The following COBLL1 variants were observed in gnomAD, a reference collection of about 807,000 sequenced individuals.
COBLL1 encodes the protein cordon-bleu protein-like 1.
In COBLL1, 50 loss-of-function variants were observed where a neutral mutation model predicts 94.8. That is an observed-to-expected ratio of 0.53 (90% CI 0.42 to 0.67). The LOEUF (loss-of-function observed/expected upper bound fraction) is 0.67, where lower values mean the gene tolerates loss of function less well. Among genes scored for constraint, COBLL1 ranks in the 30% least tolerant of loss-of-function variants. The pLI is 0.00. For missense variants in COBLL1, 1,362 were observed against 1,348.7 expected (o/e 1.01, Z -0.15); for synonymous variants, 448 against 473.8 (o/e 0.95, Z 0.71).
intron 7 of COBLL1, 119 bp from the exon 8 acceptor site, chr2:164,705,224 C>G (rs1360582170): frequency 2.8e-6 from 2 of 706,274 alleles, no homozygotes; most frequent in African/African-American, 3.7e-5. Context: ...ACAGTCATTC[C>G]TTAAAAACGT....
intron 2 of COBLL1, among the ~76,000 whole-genome samples, chr2:164,765,443 G>A (rs780425389): frequency 1.3e-5 from 2 of 152,154 alleles, no homozygotes; most frequent in South Asian, 4.1e-4. Context: ...AGAGACTTAA[G>A]TGATATAACC....
In COBLL1 at chr2:164,788,397, AT is replaced by A. The variant is rs138607831; in HGVS notation, c.42-44523del. Among the ~76,000 whole-genome samples the A allele has an allele frequency of 3.7e-3, 569 of 152,286 alleles. 2 individuals are homozygous for A. The highest frequency in any genetic ancestry group is 0.013 in the African/African-American group (548 of 41,552). ...ACAACTCTGTACCTTTAAAAAAAAA[AT>A]CTACAAGTTGCTGATAAAAATAGCT... On this transcript the variant is annotated intron_variant, in intron 2 of 13. Coordinates refer to ENST00000652658, the MANE Select transcript of COBLL1 (RefSeq NM_001365672.2).
chr2:164,799,019 C>CACAAAAAAA (rs1683624331), intron 2 of COBLL1, among the ~76,000 whole-genome samples: 1 of 69,838 alleles, frequency 1.4e-5, no homozygotes, highest in African/African-American at 6.8e-5. Context: ...GACTCCGTCT[C>CACAAAAAAA]AAAAAAAAAA....
chr2:164,691,570 TCTC>T (rs899128780), intron 13 of COBLL1, among the ~76,000 whole-genome samples: 33 of 152,224 alleles, frequency 2.2e-4, no homozygotes, highest in African/African-American at 7.5e-4. Context: ...CACATCTTCT[TCTC>T]AGTGGATGAA....
intron 7 of COBLL1, among the ~76,000 whole-genome samples, chr2:164,719,841 GA>G (rs1307558347): frequency 6.6e-6 from 1 of 152,046 alleles, no homozygotes; most frequent in African/African-American, 2.4e-5. Flanking sequence ...CAAAAAAGAA[GA>G]GATGTCTTCT....
At position 164,743,879 on chromosome 2, in the gene COBLL1, A is replaced by C. The variant is rs1686725298; in HGVS notation, c.42-4T>G. The C allele has an allele frequency of 6.6e-7, 1 of 1,518,292 alleles. No homozygotes were observed. The highest frequency in any genetic ancestry group is 2.3e-5 in the Admixed American group (1 of 44,094). 94.1% of individuals were successfully genotyped at this position (1,518,292 alleles called of 1,614,324 possible). ...TGCCTTGGCTTTTGGTTTTCTCCTA[A>C]AATATAAAGAAAACACAAAAAATAC... On this transcript the variant is annotated splice_region_variant and splice_polypyrimidine_tract_variant and intron_variant, in intron 2 of 13. Transcript: ENST00000652658.
intron 7 of COBLL1, among the ~76,000 whole-genome samples, chr2:164,706,528 T>C (rs1159111639): frequency 1.3e-5 from 2 of 152,214 alleles, no homozygotes; most frequent in Non-Finnish European, 2.9e-5. Context: ...CCTTAATGTC[T>C]GAAGCCTCTT....
rs914300697 is a variant in COBLL1, at chr2:164,684,463, C to G, written c.*1483G>C. On this transcript the variant is annotated 3_prime_UTR_variant, in exon 14 of 14. Coordinates refer to ENST00000652658, the MANE Select transcript of COBLL1 (RefSeq NM_001365672.2). ...CACTCCTTTCTCTACTTGCTTATAA[C>G]AACATAACTTAAGTATCTATATATG... 2 of 152,058 alleles carry G rather than the reference C, an allele frequency of 1.3e-5. No individual in the cohort carries two copies. Among genetic ancestry groups the G allele is most frequent in the African/African-American group, 4.8e-5 (2 of 41,424 alleles). 9.4% of individuals were successfully genotyped at this position (152,058 alleles called of 1,614,324 possible).
At chr2:164,732,972 G>A (rs370011523) in intron 3 of COBLL1, among the ~76,000 whole-genome samples, 2 of 152,100 alleles carry the variant, frequency 1.3e-5, no homozygotes, top group Non-Finnish European at 2.9e-5. Context: ...GGAGAATAGC[G>A]TGAACCTGGG....
At chr2:164,772,485 A>C (rs995683743) in intron 2 of COBLL1, among the ~76,000 whole-genome samples, 20 of 152,032 alleles carry the variant, frequency 1.3e-4, no homozygotes, top group African/African-American at 4.6e-4. Context: ...AACATTAAGA[A>C]TCTCTCCTAA....
At chr2:164,698,614 C>A (rs545720927) in intron 11 of COBLL1, among the ~76,000 whole-genome samples, 277 of 151,648 alleles carry the variant, frequency 1.8e-3, no homozygotes, top group Non-Finnish European at 3.4e-3. Context: ...TTCTGAAATT[C>A]AATACTAAGT....
intron 13 of COBLL1, 40 bp from the exon 14 acceptor site, chr2:164,686,072 A>G: frequency 2.6e-6 from 3 of 1,133,698 alleles, no homozygotes; most frequent in Non-Finnish European, 3.8e-6. Flanking sequence ...TCAATTTAAA[A>G]TGGGATAGCT....
chr2:164,746,100 G>A (rs1451795824), intron 2 of COBLL1, among the ~76,000 whole-genome samples: 2 of 152,086 alleles, frequency 1.3e-5, no homozygotes, highest in African/African-American at 4.8e-5. Flanking sequence ...CATTTGTCCA[G>A]ACCAAAAATC....
intron 3 of COBLL1, among the ~76,000 whole-genome samples, chr2:164,734,474 T>G (rs1476198682): frequency 6.6e-6 from 1 of 152,172 alleles, no homozygotes. Context: ...TTTTACTGAG[T>G]GAGACAGAAA....
At chr2:164,752,578 GT>G (rs1430311847) in intron 2 of COBLL1, among the ~76,000 whole-genome samples, 1 of 152,136 alleles carries the variant, frequency 6.6e-6, no homozygotes, top group Non-Finnish European at 1.5e-5. Flanking sequence ...GTTTACAGAG[GT>G]TTAAGAAATT....
At chr2:164,743,243 A>G (rs2105560140) in intron 3 of COBLL1, 1 of 154,592 alleles carries the variant, frequency 6.5e-6, no homozygotes, top group African/African-American at 2.4e-5. Context: ...TTTTAAGAGT[A>G]ATAAAACTCT....
intron 11 of COBLL1, chr2:164,697,654 C>T (rs1413182239): frequency 1.3e-5 from 2 of 152,044 alleles, no homozygotes; most frequent in African/African-American, 2.4e-5. Flanking sequence ...CGTTTAAAAA[C>T]CCTAATTTAT....
intron 2 of COBLL1, among the ~76,000 whole-genome samples, chr2:164,815,331 G>A (rs987078906): frequency 7.9e-5 from 12 of 151,630 alleles, no homozygotes; most frequent in African/African-American, 2.9e-4. Context: ...CCCAGGAGGC[G>A]GAGGTTGCAG....
chr2:164,773,723 C>A, intron 2 of COBLL1: 1 of 1,290,288 alleles, frequency 7.8e-7, no homozygotes, highest in Non-Finnish European at 1.0e-6. Context: ...TCCAGAAAGT[C>A]TCCATAAAAC....
Sources: allele counts gnomAD v4.1 joint callset (sites outside exome capture counted in the v4.1 genomes callset), GRCh38; gene constraint gnomAD v4.1.1; transcripts MANE v1.5; gene names NCBI Gene and HGNC (gene_info 2026-07-23, HGNC 2026-07-21).